The following SEMA6D variants were observed in gnomAD, a reference collection of about 807,000 sequenced individuals.
SEMA6D encodes the protein semaphorin 6D, also known as semaphorin-6D.
SEMA6D carries 35 observed loss-of-function variants against 106.6 expected under a neutral mutation model. That is an observed-to-expected ratio of 0.33 (90% CI 0.25 to 0.44). The LOEUF (loss-of-function observed/expected upper bound fraction) is 0.44, where lower values mean the gene tolerates loss of function less well. SEMA6D is among the 20% of genes least tolerant of loss of function. SEMA6D has a pLI of 1.00. For synonymous variants in SEMA6D, 499 were observed against 487.7 expected, an observed-to-expected ratio of 1.02 and a Z score of -0.31; for missense variants, 1,185 against 1,345.9, an observed-to-expected ratio of 0.88 and a Z score of 1.87.
At chr15:47,353,029 TTTTGA>T in intron 1 of SEMA6D, among the ~76,000 whole-genome samples, 1 of 151,732 alleles carries the variant, frequency 6.6e-6, no homozygotes, top group East Asian at 2.0e-4. Flanking sequence ...ACTATTAGGG[TTTTGA>T]TTTGTTTTCA....
intron 1 of SEMA6D, among the ~76,000 whole-genome samples, chr15:47,240,745 A>AT (rs2032855765): frequency 6.6e-6 from 1 of 152,208 alleles, no homozygotes; most frequent in Non-Finnish European, 1.5e-5. Context: ...AATCATGTAC[A>AT]TAATGATTGG....
chr15:47,394,644 A>G (rs953138247), intron 1 of SEMA6D, among the ~76,000 whole-genome samples: 2 of 152,188 alleles, frequency 1.3e-5, no homozygotes, highest in African/African-American at 4.8e-5. Context: ...TTCCTTTCAC[A>G]GCAGGATCAC....
At chr15:47,367,233 T>C (rs2039062736) in intron 1 of SEMA6D, among the ~76,000 whole-genome samples, 1 of 152,194 alleles carries the variant, frequency 6.6e-6, no homozygotes, top group Non-Finnish European at 1.5e-5. Context: ...TTTCCCTGAC[T>C]GTCCTCCTTC....
intron 3 of SEMA6D, among the ~76,000 whole-genome samples, chr15:47,590,542 A>G (rs1446025566): frequency 2.7e-4 from 41 of 152,168 alleles, no homozygotes; most frequent in Admixed American, 2.7e-3. Context: ...ATAAATAAAT[A>G]AAAATAAGCA....
chr15:47,694,654 T>C (rs911070782), intron 4 of SEMA6D, among the ~76,000 whole-genome samples: 2 of 152,118 alleles, frequency 1.3e-5, no homozygotes, highest in East Asian at 3.9e-4. Context: ...CTGATACAAA[T>C]AGCAATATTT....
chr15:47,277,309 G>A (rs912567580), intron 1 of SEMA6D, among the ~76,000 whole-genome samples: 3 of 152,088 alleles, frequency 2.0e-5, no homozygotes, highest in East Asian at 3.9e-4. Context: ...CATACTGTGG[G>A]TAGAATGCTA....
intron 4 of SEMA6D, among the ~76,000 whole-genome samples, chr15:47,659,288 G>A (rs1176158545): frequency 1.3e-5 from 2 of 151,684 alleles, no homozygotes; most frequent in African/African-American, 4.8e-5. Flanking sequence ...TCTGGTAATA[G>A]ATCCAAGTCT....
intron 1 of SEMA6D, among the ~76,000 whole-genome samples, chr15:47,368,476 A>T (rs572839593): frequency 6.9e-4 from 58 of 84,550 alleles, no homozygotes; most frequent in Middle Eastern, 6.3e-3. Context: ...TTATTTATTT[A>T]TTTATTTTTT....
rs1016513685 is a variant in SEMA6D, at chr15:47,270,055, G to A, written c.-239+85637G>A. Among the ~76,000 whole-genome samples, 7 of 150,260 alleles carry A rather than the reference G, an allele frequency of 4.7e-5. No individual in the cohort carries two copies. In the South Asian group the frequency reaches 8.4e-4, roughly 18 times the overall value. On this transcript the variant is annotated intron_variant, in intron 1 of 19. Transcript: ENST00000558014. ...ATACGTTTCATAGTTTCTAGATTAC[G>A]GAGTTCAAACATCTTTCATTGTATT...
At chr15:47,263,391 A>G (rs1341299699) in intron 1 of SEMA6D, among the ~76,000 whole-genome samples, 5 of 152,178 alleles carry the variant, frequency 3.3e-5, no homozygotes, top group African/African-American at 1.2e-4. Context: ...GGCAACGGAC[A>G]TGAAAAGACA....
At chr15:47,645,704 A>G (rs1215266943) in intron 4 of SEMA6D, among the ~76,000 whole-genome samples, 2 of 152,248 alleles carry the variant, frequency 1.3e-5, no homozygotes, top group African/African-American at 4.8e-5. Context: ...CAGTCCCACA[A>G]GACTGTCCCA....
intron 3 of SEMA6D, among the ~76,000 whole-genome samples, chr15:47,567,716 T>C (rs2046268898): frequency 1.3e-5 from 2 of 152,204 alleles, no homozygotes; most frequent in Non-Finnish European, 2.9e-5. Context: ...TATTGCTTAC[T>C]TCCTTGTGTT....
chr15:47,662,176 G>A (rs749614756), intron 4 of SEMA6D, among the ~76,000 whole-genome samples: 34 of 152,150 alleles, frequency 2.2e-4, no homozygotes, highest in Non-Finnish European at 4.4e-4. Context: ...ATACAGAGAT[G>A]CAATGTTGGA....
chr15:47,300,974 A>C (rs918769213), intron 1 of SEMA6D, among the ~76,000 whole-genome samples: 5 of 152,218 alleles, frequency 3.3e-5, no homozygotes, highest in Admixed American at 2.6e-4. Context: ...AAATTCTGGA[A>C]ATGACATGCT....
rs534752625 is a variant in SEMA6D at position 47,357,626 on chromosome 15, A to C, written c.-238-54767A>C. Among the ~76,000 whole-genome samples the C allele has an allele frequency of 2.1e-4, 32 of 152,244 alleles. No individual in the cohort carries two copies. In the South Asian group the frequency reaches 6.4e-3, roughly 31 times the overall value. On this transcript the variant is annotated intron_variant, in intron 1 of 19. Coordinates refer to the SEMA6D transcript ENST00000558014. ...GGGAGCTAGGCCAGTCTCTCTTTTCACATTCTTCTGCCTGCTTACATTCTA... is the reference window on the plus strand; with the variant it reads ...GGGAGCTAGGCCAGTCTCTCTTTTCCCATTCTTCTGCCTGCTTACATTCTA...
Position 47,764,033 on chromosome 15 carries a change from A to T in SEMA6D, c.931A>T (p.Thr311Ser), listed in dbSNP as rs755770635. 6.2e-7 allele frequency: 1 copy of T among 1,613,826 alleles called. No individual in the cohort carries two copies. ...CATAATACAAATCAATGGCATCCCCACTGTGGTCGGGGTGTTTACCACGCA... is the reference window on the plus strand; with the variant it reads ...CATAATACAAATCAATGGCATCCCCTCTGTGGTCGGGGTGTTTACCACGCA... The part of the protein sequence containing the change: ...TDIIQINGIP[T>S]VVGVFTTQLN... Residue 311 changes from threonine to serine, a missense_variant, in exon 10 of 19, where the codon ACT becomes TCT. This residue lies in a region of SEMA6D where 291 missense variants were observed against 423.8 expected (regional missense o/e 0.69). Coordinates refer to ENST00000536845, the MANE Select transcript of SEMA6D (RefSeq NM_001358351.3).
intron 1 of SEMA6D, among the ~76,000 whole-genome samples, chr15:47,284,995 G>T (rs1409311571): frequency 2.0e-5 from 3 of 152,154 alleles, no homozygotes; most frequent in African/African-American, 4.8e-5. Context: ...AGGGAGAAAC[G>T]CAAGGTGAGC....
At chr15:47,331,606 CAG>C (rs1213194147) in intron 1 of SEMA6D, among the ~76,000 whole-genome samples, 5 of 151,770 alleles carry the variant, frequency 3.3e-5, no homozygotes, top group Non-Finnish European at 5.9e-5. Context: ...GGTGTGGAGA[CAG>C]AATTATTTAA....
chr15:47,434,894 T>G (rs1239712751), intron 2 of SEMA6D, among the ~76,000 whole-genome samples: 4 of 152,060 alleles, frequency 2.6e-5, no homozygotes, highest in Non-Finnish European at 4.4e-5. Flanking sequence ...CCTTTGACCT[T>G]GAAGAGGGAC....
Sources: gnomAD v4.1 joint callset for allele counts (sites outside exome capture counted in the v4.1 genomes callset) on GRCh38, gnomAD v4.1.1 for gene constraint, gnomAD v4.1.1 regional missense constraint, MANE v1.5 for transcripts, NCBI Gene and HGNC (gene_info 2026-07-23, HGNC 2026-07-21) for gene names.